NEMP1: variants seen among roughly 807,000 people sequenced by gnomAD.
NEMP1 encodes the protein transmembrane protein 194.
In NEMP1, 29 loss-of-function variants were observed where a neutral mutation model predicts 53.7. That is an observed-to-expected ratio of 0.54 (90% confidence interval 0.40 to 0.74). NEMP1 has a LOEUF of 0.74. NEMP1 is among the 30% of genes least tolerant of loss of function. The pLI is 0.00. For missense variants in NEMP1, 477 were observed against 528.6 expected (o/e 0.90, Z 0.96); for synonymous variants, 193 against 192.9 (o/e 1.00, Z 0.00).
At position 57,072,904 on chromosome 12, in the gene NEMP1, C is replaced by G. The variant is rs763980437; in HGVS notation, c.136G>C (p.Asp46His). The change falls in exon 2 of 9, where the codon GAT (aspartate) becomes CAT (histidine). Residue 46 changes from aspartate to histidine, a missense_variant. Transcript: ENST00000300128. ...TCCTGAAGCATGACCACATTTACAT[C>G]AGTTTCAGCTTTATGCAAAGAAAGG... The part of the protein sequence containing the change: ...GCLVYGTAET[D>H]VNVVMLQESQ... The G allele has an allele frequency of 5.0e-6, 8 of 1,609,374 alleles. No individual in the cohort carries two copies. The South Asian group carries it at 8.9e-5, about 18-fold the overall frequency.
rs751006488 is a variant in NEMP1, at chr12:57,059,988, C to T, written c.1226G>A (p.Gly409Glu). ...NEVSVHEQEYGLGSIIAQDEI... is the reference protein window; with the variant it reads ...NEVSVHEQEYELGSIIAQDEI... The stretch of plus-strand genomic sequence containing the variant: ...ATCCTGGGCAATAATGCTCCCTAAT[C>T]CATACTCCTGCTCATGGACAGAAAC... The change falls in exon 9 of 9, where the codon GGA (glycine) becomes GAA (glutamate). Residue 409 changes from glycine to glutamate, a missense_variant. Coordinates refer to ENST00000300128, the MANE Select transcript of NEMP1 (RefSeq NM_001130963.2). 6.2e-7 allele frequency: 1 copy of T among 1,613,752 alleles called. No individual in the cohort carries two copies. Among genetic ancestry groups the T allele is most frequent in the Non-Finnish European group, 8.5e-7 (1 of 1,179,988 alleles).
At chr12:57,066,936 T>C (rs1178756729) in intron 4 of NEMP1, among the ~76,000 whole-genome samples, 1 of 152,240 alleles carries the variant, frequency 6.6e-6, no homozygotes, top group East Asian at 1.9e-4. Flanking sequence ...CTGCCATGAT[T>C]ATGAGGCCTC....
chr12:57,060,140 C>T (rs1231885914), intron 8 of NEMP1, 81 bp from the exon 9 acceptor site: 33 of 1,324,900 alleles, frequency 2.5e-5, no homozygotes, highest in Non-Finnish European at 3.3e-5. Context: ...CAAATTAAAG[C>T]CCTCGATATG....
At position 57,058,846 on chromosome 12, in the gene NEMP1, G is replaced by C. The variant is rs1360827880; in HGVS notation, c.*1033C>G. The C allele has an allele frequency of 1.3e-5, 2 of 152,168 alleles. No homozygotes were observed. The highest frequency in any genetic ancestry group is 2.9e-5 in the Non-Finnish European group (2 of 68,034). The allele number at this position is 152,168 out of a possible 1,614,324, so 9.4% of individuals were successfully genotyped here. A position where few individuals can be genotyped will look rare whatever the true frequency, so the allele number is the denominator to read the frequency against. On this transcript the variant is annotated 3_prime_UTR_variant, in exon 9 of 9. Coordinates refer to ENST00000300128, the MANE Select transcript of NEMP1 (RefSeq NM_001130963.2). ...GGAATGGACAGAGCATGTAGACAAA[G>C]GAAGGGAAAGGAAAAGGAGACAGTT...
At chr12:57,075,934 T>G (rs2032594797) in intron 1 of NEMP1, among the ~76,000 whole-genome samples, 1 of 148,602 alleles carries the variant, frequency 6.7e-6, no homozygotes, top group Non-Finnish European at 1.5e-5. Flanking sequence ...GAAATCCCAC[T>G]CTACTAAAAA....
chr12:57,059,777 T>G lies in NEMP1; in HGVS notation c.*102A>C. On this transcript the variant is annotated 3_prime_UTR_variant, in exon 9 of 9. Coordinates refer to ENST00000300128, the MANE Select transcript of NEMP1 (RefSeq NM_001130963.2). Reference sequence around the variant, plus strand: ...TATTTCAGTAGGAGAATTTCTACCCTATCTATCTCACTCTGTTTCAAAGGG... The same window carrying G: ...TATTTCAGTAGGAGAATTTCTACCCGATCTATCTCACTCTGTTTCAAAGGG... 9.3e-7 allele frequency: 1 copy of G among 1,074,186 alleles called. No homozygotes were observed. Among genetic ancestry groups the G allele is most frequent in the Non-Finnish European group, 1.3e-6 (1 of 754,022 alleles). 66.5% of individuals were successfully genotyped at this position (1,074,186 alleles called of 1,614,324 possible). A position where few individuals can be genotyped will look rare whatever the true frequency, so the allele number is the denominator to read the frequency against.
upstream of NEMP1, among the ~76,000 whole-genome samples, chr12:57,081,780 A>G (rs916048061): frequency 1.8e-4 from 27 of 150,326 alleles, no homozygotes; most frequent in African/African-American, 6.6e-4. Flanking sequence ...GGTGGCAGGT[A>G]CCTGTAGTCC....
At chr12:57,061,124 G>A (rs570933036) in intron 7 of NEMP1, among the ~76,000 whole-genome samples, 179 bp from the exon 8 acceptor site, 69 of 152,082 alleles carry the variant, frequency 4.5e-4, no homozygotes, top group African/African-American at 1.6e-3. Flanking sequence ...TAGACTATGA[G>A]TGACAATTCA....
At chr12:57,062,133 A>G (rs769158932) in intron 7 of NEMP1, among the ~76,000 whole-genome samples, 4 of 152,220 alleles carry the variant, frequency 2.6e-5, no homozygotes, top group Non-Finnish European at 5.9e-5. Context: ...GCTATGAATT[A>G]CATCTTAAAA....
intron 1 of NEMP1, among the ~76,000 whole-genome samples, chr12:57,083,814 C>T (rs778815894): frequency 5.3e-5 from 8 of 152,230 alleles, no homozygotes; most frequent in Admixed American, 5.2e-4. Context: ...GCTTTTATCG[C>T]CCAGGCCAGA....
rs1481308441 is a variant in NEMP1 at position 57,059,618 on chromosome 12, G to A, written c.*261C>T. 1.2e-5 allele frequency: 4 copies of A among 336,850 alleles called. No individual in the cohort carries two copies. The highest frequency in any genetic ancestry group is 5.5e-6 in the Non-Finnish European group (1 of 183,386). The allele number at this position is 336,850 out of a possible 1,614,324, so 20.9% of individuals were successfully genotyped here. A position where few individuals can be genotyped will look rare whatever the true frequency, so the allele number is the denominator to read the frequency against. On this transcript the variant is annotated 3_prime_UTR_variant, in exon 9 of 9. Coordinates refer to ENST00000300128, the MANE Select transcript of NEMP1 (RefSeq NM_001130963.2). The stretch of plus-strand genomic sequence containing the variant: ...CTAGCTGTGGCCATCCAATTTCTCT[G>A]GAAACATAAAAGTGGGCTGTTAGCT...
chr12:57,082,367 T>C (rs1290468006), upstream of NEMP1, among the ~76,000 whole-genome samples: 1 of 152,246 alleles, frequency 6.6e-6, no homozygotes, highest in East Asian at 1.9e-4. Flanking sequence ...ATGTAGGGTA[T>C]ATAGGAATTC....
intron 7 of NEMP1, among the ~76,000 whole-genome samples, chr12:57,061,550 A>G (rs768750537): frequency 3.9e-4 from 60 of 152,112 alleles, no homozygotes; most frequent in Admixed American, 7.2e-4. Context: ...AAAATTAGCC[A>G]GGCATGGTGG....
intron 4 of NEMP1, among the ~76,000 whole-genome samples, chr12:57,064,977 T>C (rs540874440): frequency 1.3e-5 from 2 of 152,372 alleles, no homozygotes; most frequent in South Asian, 4.1e-4. Flanking sequence ...TTGTTTACAC[T>C]ATATTATAGT....
Position 57,078,774 on chromosome 12 carries a change from T to C in NEMP1, c.-29A>G. ...TGCCTCAAGCCACCTCCTCCTCACGTGCCTTACCCCAGCAACTAACTCCGA... is the reference window on the plus strand; with the variant it reads ...TGCCTCAAGCCACCTCCTCCTCACGCGCCTTACCCCAGCAACTAACTCCGA... On this transcript the variant is annotated 5_prime_UTR_variant, in exon 1 of 9. Transcript: ENST00000300128. The C allele has an allele frequency of 6.3e-7, 1 of 1,596,392 alleles. No homozygotes were observed. Among genetic ancestry groups the C allele is most frequent in the Non-Finnish European group, 8.6e-7 (1 of 1,168,610 alleles).
At chr12:57,087,552 A>T (rs1769501349) in intron 1 of NEMP1, among the ~76,000 whole-genome samples, 1 of 151,150 alleles carries the variant, frequency 6.6e-6, no homozygotes, top group South Asian at 2.1e-4. Context: ...GGGAGACGGG[A>T]CTCTGCTCGT....
Position 57,078,693 on chromosome 12 carries a change from C to CA in NEMP1, c.52dup (p.Trp18LeufsTer27). ...CCCACCGCCCCCGACTCCCGAGCCC[C>CA]AGGGCCCGGGACCAACTGCCGGCGA... is the stretch of plus-strand genomic sequence containing the variant. On this transcript the variant is annotated frameshift_variant, in exon 1 of 9. Transcript: ENST00000300128. LOFTEE classifies it high-confidence loss of function. The CA allele has an allele frequency of 6.2e-7, 1 of 1,613,660 alleles. No individual in the cohort carries two copies. Among genetic ancestry groups the CA allele is most frequent in the South Asian group, 1.1e-5 (1 of 90,980 alleles).
At chr12:57,066,741 C>G (rs2032096606) in intron 4 of NEMP1, among the ~76,000 whole-genome samples, 1 of 152,106 alleles carries the variant, frequency 6.6e-6, no homozygotes, top group African/African-American at 2.4e-5. Flanking sequence ...TAGCTCCCAT[C>G]ATTCCCACGT....
chr12:57,058,346 T>C lies in NEMP1; in HGVS notation c.*1533A>G, dbSNP rs561956528. ...GTCATTACGGCTTTTTAAAAAATCA[T>C]CTGCCTTTTTCCATCATCTTGGTGA... On this transcript the variant is annotated 3_prime_UTR_variant, in exon 9 of 9. Transcript: ENST00000300128. The C allele has an allele frequency of 1.3e-5, 2 of 152,328 alleles. No homozygotes were observed. The highest frequency in any genetic ancestry group is 2.4e-5 in the African/African-American group (1 of 41,560). 9.4% of individuals were successfully genotyped at this position (152,328 alleles called of 1,614,324 possible). A position where few individuals can be genotyped will look rare whatever the true frequency, so the allele number is the denominator to read the frequency against.
Sources: gnomAD v4.1 joint callset for allele counts (sites outside exome capture counted in the v4.1 genomes callset) on GRCh38, gnomAD v4.1.1 for gene constraint, MANE v1.5 for transcripts, NCBI Gene and HGNC (gene_info 2026-07-23, HGNC 2026-07-21) for gene names.